Variants in PSD3 observed in about 807,000 individuals in gnomAD.
PSD3 encodes the protein pleckstrin and Sec7 domain containing 3.
In PSD3, 49 loss-of-function variants were observed where a neutral mutation model predicts 105.5. The ratio of observed to expected loss-of-function variants is 0.46; its 90% CI spans 0.37 to 0.59. The LOEUF is 0.59. Among genes scored for constraint, PSD3 ranks in the 20% least tolerant of loss-of-function variants. The probability of loss-of-function intolerance (pLI) is 0.00; values close to 1 mark genes in which losing one functional copy is unlikely to be tolerated. For synonymous variants in PSD3, 557 were observed against 457.8 expected (o/e 1.22, Z -2.77); for missense variants, 1,561 against 1,263.8 (o/e 1.24, Z -3.57).
At chr8:18,536,319 T>C (rs1023127013) in intron 15 of PSD3, among the ~76,000 whole-genome samples, 1 of 152,208 alleles carries the variant, frequency 6.6e-6, no homozygotes, top group Non-Finnish European at 1.5e-5. Context: ...TGCATGGCTC[T>C]TGTGGCTCTG....
At chr8:18,568,784 CCATGCTGGTGCGCTG>C (rs1337851277) in intron 14 of PSD3, among the ~76,000 whole-genome samples, 2 of 151,994 alleles carry the variant, frequency 1.3e-5, no homozygotes, top group East Asian at 3.9e-4. Flanking sequence ...TATACATGTG[CCATGCTGGTGCGCTG>C]CACCCACTAA....
chr8:18,553,349 A>G (rs1169882697), intron 15 of PSD3, among the ~76,000 whole-genome samples: 1 of 151,140 alleles, frequency 6.6e-6, no homozygotes, highest in Non-Finnish European at 1.5e-5. Flanking sequence ...AACTGCAGAC[A>G]CTGCTGTCTG....
chr8:18,955,876 C>T (rs974330572), intron 1 of PSD3, among the ~76,000 whole-genome samples: 4 of 152,096 alleles, frequency 2.6e-5, no homozygotes, highest in Non-Finnish European at 4.4e-5. Context: ...TCAAGTGATT[C>T]TCCAGCCTCA....
At chr8:18,814,110 A>T (rs1811998268) in intron 4 of PSD3, among the ~76,000 whole-genome samples, 1 of 152,238 alleles carries the variant, frequency 6.6e-6, no homozygotes, top group African/African-American at 2.4e-5. Flanking sequence ...CTTATGATTT[A>T]AGACTCTTTA....
rs573320062 is a variant in PSD3 at position 18,803,967 on chromosome 8, G to A, written c.1910+555C>T. ...CTGTATTCTAACACGATAAAAAAAC[G>A]AAAAACAGAAAAACTCCTACAGATG... On this transcript the variant is annotated intron_variant, in intron 6 of 15. Coordinates refer to ENST00000327040, the MANE Select transcript of PSD3 (RefSeq NM_015310.4). Among the ~76,000 whole-genome samples, 53 of 147,208 alleles carry A rather than the reference G, an allele frequency of 3.6e-4. 1 individual carries two copies. Among genetic ancestry groups the A allele is most frequent in the African/African-American group, 3.5e-4 (14 of 39,968 alleles).
intron 11 of PSD3, among the ~76,000 whole-genome samples, chr8:18,624,543 G>C (rs1806343249): frequency 1.0e-5 from 1 of 97,740 alleles, no homozygotes; most frequent in Non-Finnish European, 1.9e-5. Flanking sequence ...TTGTGGGGTG[G>C]GGGGAGGGGG....
In PSD3 at chr8:18,809,446, CAACCTTTTGA is replaced by C. The variant is rs1811500455; in HGVS notation, c.1635-4558_1635-4549del. 2.0e-5 allele frequency among the ~76,000 whole-genome samples: 3 copies of C among 152,146 alleles called. No individual in the cohort carries two copies. The South Asian group carries it at 6.2e-4, about 31-fold the overall frequency. On this transcript the variant is annotated intron_variant, in intron 4 of 15. Coordinates refer to ENST00000327040, the MANE Select transcript of PSD3 (RefSeq NM_015310.4). ...TGACTCTGATCACCATGCCTTCTCACAACCTTTTGAATCATACTAAGATTGGCAGATTTTC... is the reference window on the plus strand; with the variant it reads ...TGACTCTGATCACCATGCCTTCTCACATCATACTAAGATTGGCAGATTTTC...
intron 4 of PSD3, among the ~76,000 whole-genome samples, chr8:18,834,655 T>C (rs929255629): frequency 6.6e-6 from 1 of 152,050 alleles, no homozygotes; most frequent in African/African-American, 2.4e-5. Context: ...AAAGGTCACA[T>C]AAAGTAGGGG....
At chr8:19,041,252 T>G (rs1563525452) in intron 1 of PSD3, among the ~76,000 whole-genome samples, 1 of 152,140 alleles carries the variant, frequency 6.6e-6, no homozygotes. Context: ...CACTACCTCC[T>G]GTAAACCAGA....
intron 9 of PSD3, among the ~76,000 whole-genome samples, chr8:18,692,396 G>A (rs1038686234): frequency 6.6e-6 from 1 of 152,162 alleles, no homozygotes; most frequent in Non-Finnish European, 1.5e-5. Context: ...AATGGGCCTG[G>A]CCTTAAGGAA....
chr8:18,805,037 A>G lies in PSD3; in HGVS notation c.1635-139T>C, dbSNP rs1811080951. 5 of 775,032 alleles carry G rather than the reference A, an allele frequency of 6.5e-6. No homozygotes were observed. In the East Asian group the frequency reaches 1.4e-4, roughly 22 times the overall value. The allele number at this position is 775,032 out of a possible 1,614,324, so 48.0% of individuals were successfully genotyped here. A position where few individuals can be genotyped will look rare whatever the true frequency, so the allele number is the denominator to read the frequency against. On this transcript the variant is annotated intron_variant, in intron 4 of 15. Transcript: ENST00000327040. ...CACTGTATGTTTAAATATTCATAAA[A>G]ATTTTTTCAGTTACCATATTTTAAA...
At chr8:18,921,572 G>A (rs898243799) in intron 2 of PSD3, among the ~76,000 whole-genome samples, 2 of 152,274 alleles carry the variant, frequency 1.3e-5, no homozygotes, top group East Asian at 1.9e-4. Flanking sequence ...AGGTGGTCAC[G>A]GGGAGTCTCT....
chr8:19,067,989 C>T (rs1829132508), intron 1 of PSD3, among the ~76,000 whole-genome samples: 1 of 152,182 alleles, frequency 6.6e-6, no homozygotes, highest in African/African-American at 2.4e-5. Flanking sequence ...GAAGTGATTT[C>T]TGATCAAGAT....
intron 1 of PSD3, among the ~76,000 whole-genome samples, chr8:19,064,364 C>CTACGT (rs1407715582): frequency 6.6e-6 from 1 of 151,844 alleles, no homozygotes; most frequent in East Asian, 2.0e-4. Context: ...TAATTATTAA[C>CTACGT]TATGTTAATT....
rs572542591 is a variant in PSD3 at position 18,627,273 on chromosome 8, A to G, written c.2410+5340T>C. On this transcript the variant is annotated intron_variant, in intron 11 of 15. Transcript: ENST00000327040. ...AAGAAAGGAGTTTAGTGATGCGGAG[A>G]TAAGAAAGGAGTTTAGTGATGCTGA... 4.3e-4 allele frequency among the ~76,000 whole-genome samples: 66 copies of G among 152,032 alleles called. No homozygotes were observed. In the South Asian group the frequency reaches 0.013, roughly 29 times the overall value.
At position 18,820,622 on chromosome 8, in the gene PSD3, A is replaced by T. The variant is rs188429172; in HGVS notation, c.1635-15724T>A. 2.6e-5 allele frequency among the ~76,000 whole-genome samples: 4 copies of T among 152,116 alleles called. No homozygotes were observed. In the East Asian group the frequency reaches 7.8e-4, roughly 30 times the overall value. On this transcript the variant is annotated intron_variant, in intron 4 of 15. Coordinates refer to ENST00000327040, the MANE Select transcript of PSD3 (RefSeq NM_015310.4). ...GAATAATGACAAGAAAAAAATACGA[A>T]CATTCTCAGTAGAGATGCAACCATT...
chr8:19,028,711 T>C (rs1286487542), intron 1 of PSD3, among the ~76,000 whole-genome samples: 1 of 152,202 alleles, frequency 6.6e-6, no homozygotes, highest in African/African-American at 2.4e-5. Context: ...TCTGCCATTT[T>C]TGTTTATGGT....
At chr8:18,543,268 A>C (rs1180388250) in intron 15 of PSD3, among the ~76,000 whole-genome samples, 2 of 151,762 alleles carry the variant, frequency 1.3e-5, no homozygotes, top group Non-Finnish European at 2.9e-5. Context: ...TCCTTATTAC[A>C]TTTTTTTGCT....
intron 2 of PSD3, among the ~76,000 whole-genome samples, chr8:18,906,573 A>C (rs1290944642): frequency 6.6e-6 from 1 of 152,214 alleles, no homozygotes; most frequent in Non-Finnish European, 1.5e-5. Context: ...GCACAAACAC[A>C]GGTTTTGTAG....
Sources: gnomAD v4.1 joint callset for allele counts (sites outside exome capture counted in the v4.1 genomes callset) on GRCh38, gnomAD v4.1.1 for gene constraint, MANE v1.5 for transcripts, NCBI Gene and HGNC (gene_info 2026-07-23, HGNC 2026-07-21) for gene names.